Variants in LRRC7 observed in about 807,000 individuals in gnomAD.
The protein encoded by LRRC7 is leucine-rich repeat-containing protein 7.
LRRC7 carries 23 observed loss-of-function variants against 175.7 expected under a neutral mutation model. The observed-to-expected ratio is 0.13, with a 90% CI of 0.09 to 0.19. The LOEUF (loss-of-function observed/expected upper bound fraction) is 0.19, where lower values mean the gene tolerates loss of function less well. Ranked by LOEUF, LRRC7 falls within the 10% of genes least tolerant of loss-of-function variation. LRRC7 has a pLI of 1.00. For missense variants in LRRC7, 1,354 were observed against 1,904.7 expected (o/e 0.71, Z 5.38); for synonymous variants, 685 against 680.9 (o/e 1.01, Z -0.09).
chr1:69,927,708 T>C (rs1447452960), intron 7 of LRRC7, among the ~76,000 whole-genome samples: 7 of 152,218 alleles, frequency 4.6e-5, no homozygotes, highest in Non-Finnish European at 8.8e-5. Context: ...TATACATTCA[T>C]CTAAATTTTT....
intron 1 of LRRC7, among the ~76,000 whole-genome samples, chr1:69,664,814 TC>T (rs1658032833): frequency 6.6e-6 from 1 of 152,218 alleles, no homozygotes; most frequent in South Asian, 2.1e-4. Flanking sequence ...CTTGATGTGA[TC>T]CTATTTGTCT....
At chr1:69,985,116 C>A (rs1475918533) in intron 9 of LRRC7, among the ~76,000 whole-genome samples, 2 of 152,180 alleles carry the variant, frequency 1.3e-5, no homozygotes, top group African/African-American at 4.8e-5. Context: ...TTTTATTGCA[C>A]TTGTCACAGG....
At chr1:69,776,332 A>G (rs995514255) in intron 3 of LRRC7, among the ~76,000 whole-genome samples, 1 of 152,208 alleles carries the variant, frequency 6.6e-6, no homozygotes, top group African/African-American at 2.4e-5. Context: ...GCTACAATAC[A>G]GTAAAGAATA....
chr1:69,915,782 A>G (rs905172276), intron 7 of LRRC7, among the ~76,000 whole-genome samples: 6 of 151,834 alleles, frequency 4.0e-5, no homozygotes, highest in African/African-American at 1.5e-4. Flanking sequence ...TAAGTATTTT[A>G]ATAACTAACA....
At chr1:69,962,322 A>G (rs931781335) in intron 8 of LRRC7, among the ~76,000 whole-genome samples, 3 of 152,200 alleles carry the variant, frequency 2.0e-5, no homozygotes, top group Non-Finnish European at 4.4e-5. Context: ...TTTAAAAGTC[A>G]AAAAACAACA....
chr1:69,763,446 G>A (rs1392874876), intron 3 of LRRC7, among the ~76,000 whole-genome samples: 3 of 152,018 alleles, frequency 2.0e-5, no homozygotes, highest in Non-Finnish European at 2.9e-5. Flanking sequence ...GGCGTTAATT[G>A]TGTCACATGT....
chr1:69,919,770 G>T (rs1408851135), intron 7 of LRRC7: 1 of 928,574 alleles, frequency 1.1e-6, no homozygotes, highest in Non-Finnish European at 1.7e-6. Flanking sequence ...TGGTTTGCGC[G>T]GCGGACGGGG....
rs377656393 is a variant in LRRC7 at position 70,039,180 on chromosome 1, C to G, written c.3356C>G (p.Pro1119Arg). 1.9e-6 allele frequency: 3 copies of G among 1,614,126 alleles called. No homozygotes were observed. Among genetic ancestry groups the G allele is most frequent in the Non-Finnish European group, 2.5e-6 (3 of 1,180,002 alleles). Reference protein sequence around the residue: ...ISPRAYRGYPPMEQMFSFSQP... With the variant: ...ISPRAYRGYPRMEQMFSFSQP... ...CCTAGAGCTTACAGAGGATACCCAC[C>G]GATGGAGCAAATGTTTTCATTTTCT... Residue 1119 changes from proline (P) to arginine (R), a missense_variant, in exon 21 of 27, where the codon CCG becomes CGG. Transcript: ENST00000651989.
intron 8 of LRRC7, among the ~76,000 whole-genome samples, chr1:69,943,724 AG>A (rs1648982332): frequency 6.6e-6 from 1 of 152,094 alleles, no homozygotes; most frequent in Non-Finnish European, 1.5e-5. Context: ...TCATGCAAAT[AG>A]GGCTTTAAAG....
chr1:69,626,897 A>G (rs771414426), intron 1 of LRRC7, among the ~76,000 whole-genome samples: 60 of 152,234 alleles, frequency 3.9e-4, no homozygotes, highest in Non-Finnish European at 6.9e-4. Flanking sequence ...CACAAAGGAC[A>G]TGAACTCATC....
At chr1:69,623,766 T>C (rs1426323851) in intron 1 of LRRC7, among the ~76,000 whole-genome samples, 1 of 152,156 alleles carries the variant, frequency 6.6e-6, no homozygotes, top group Admixed American at 6.5e-5. Flanking sequence ...GTCAGACTAG[T>C]CTTGAACTCC....
rs141606062 is a variant in LRRC7, at chr1:70,078,792, ACG to A, written c.4452+2512_4452+2513del. Among the ~76,000 whole-genome samples the A allele has an allele frequency of 3.0e-3, 444 of 146,580 alleles. 2 individuals carry two copies. The highest frequency in any genetic ancestry group is 7.3e-3 in the African/African-American group (286 of 39,006). ...AGTCAAATAATACAGTTCTACATAT[ACG>A]CGCGCGCGCGCGCGCGCACACACAC... On this transcript the variant is annotated intron_variant, in intron 24 of 26. Transcript: ENST00000651989.
At chr1:70,119,293 C>G (rs1341311546) in intron 26 of LRRC7, among the ~76,000 whole-genome samples, 1 of 152,080 alleles carries the variant, frequency 6.6e-6, no homozygotes, top group Non-Finnish European at 1.5e-5. Flanking sequence ...CTGAACTACT[C>G]CAGCACTTTA....
intron 2 of LRRC7, among the ~76,000 whole-genome samples, chr1:69,711,408 A>G (rs1024906960): frequency 4.6e-5 from 7 of 152,200 alleles, no homozygotes; most frequent in Admixed American, 1.3e-4. Flanking sequence ...AACATTGACC[A>G]TGAGACTGAG....
intron 8 of LRRC7, among the ~76,000 whole-genome samples, chr1:69,968,194 G>A (rs183145673): frequency 2.0e-5 from 3 of 152,090 alleles, no homozygotes; most frequent in Admixed American, 2.0e-4. Flanking sequence ...TGAACAAGCA[G>A]AAGAAAGAAC....
At chr1:69,840,406 A>T (rs1200545750) in intron 7 of LRRC7, among the ~76,000 whole-genome samples, 3 of 152,058 alleles carry the variant, frequency 2.0e-5, no homozygotes, top group Non-Finnish European at 4.4e-5. Flanking sequence ...TAGGAAAAAC[A>T]ATTTTAGTTT....
chr1:70,044,384 C>CT (rs1283100476), intron 22 of LRRC7, among the ~76,000 whole-genome samples: 1 of 151,960 alleles, frequency 6.6e-6, no homozygotes, highest in African/African-American at 2.4e-5. Context: ...TATTCATTTC[C>CT]TTTTTTCCTC....
intron 7 of LRRC7, among the ~76,000 whole-genome samples, chr1:69,930,949 C>A (rs1647310111): frequency 2.0e-5 from 3 of 151,588 alleles, no homozygotes; most frequent in Admixed American, 2.0e-4. Context: ...ATGGGGATTA[C>A]AATTCAAGAT....
At chr1:69,985,636 C>T (rs1485928916) in intron 9 of LRRC7, among the ~76,000 whole-genome samples, 2 of 152,168 alleles carry the variant, frequency 1.3e-5, no homozygotes, top group African/African-American at 4.8e-5. Flanking sequence ...ATAACTCCCA[C>T]ACTCCCCATC....
Sources: gnomAD v4.1 joint callset for allele counts (sites outside exome capture counted in the v4.1 genomes callset) on GRCh38, gnomAD v4.1.1 for gene constraint, MANE v1.5 for transcripts, NCBI Gene and HGNC (gene_info 2026-07-23, HGNC 2026-07-21) for gene names.